RBFOX1: variants seen among roughly 807,000 people sequenced by gnomAD.
RBFOX1 encodes the protein RNA binding fox-1 homolog 1, also known as RNA binding protein fox-1 homolog 1.
RBFOX1 carries 8 observed loss-of-function variants against 57.7 expected under a neutral mutation model. That is an observed-to-expected ratio of 0.14 (90% confidence interval 0.08 to 0.25). The LOEUF is 0.25. Among genes scored for constraint, RBFOX1 ranks in the 10% least tolerant of loss-of-function variants. The pLI, the probability that RBFOX1 is intolerant of heterozygous loss-of-function variation, is 1.00. For synonymous variants in RBFOX1, 326 were observed against 222.4 expected (o/e 1.47, Z -4.15); for missense variants, 611 against 548.5 (o/e 1.11, Z -1.14).
At chr16:5,552,648 A>G (rs531902603) in intron 2 of RBFOX1, among the ~76,000 whole-genome samples, 11 of 152,266 alleles carry the variant, frequency 7.2e-5, no homozygotes, top group Admixed American at 2.6e-4. Context: ...CCAGTAAAAT[A>G]GAATTGGAAA....
chr16:5,827,712 T>C (rs1036673700), intron 3 of RBFOX1, among the ~76,000 whole-genome samples: 3 of 152,202 alleles, frequency 2.0e-5, no homozygotes, highest in Non-Finnish European at 4.4e-5. Flanking sequence ...AAATCCTTCC[T>C]AATTCTAAGT....
At chr16:5,488,367 GTGA>G (rs1310720051) in intron 2 of RBFOX1, among the ~76,000 whole-genome samples, 3 of 150,474 alleles carry the variant, frequency 2.0e-5, no homozygotes, top group African/African-American at 4.9e-5. Context: ...GCAGATGATG[GTGA>G]TGATGATGGT....
intron 3 of RBFOX1, among the ~76,000 whole-genome samples, chr16:5,646,954 G>A (rs2049073781): frequency 6.6e-6 from 1 of 152,168 alleles, no homozygotes; most frequent in South Asian, 2.1e-4. Context: ...CTTGATGGTG[G>A]GAGGGAAATA....
chr16:7,220,581 T>C (rs6500936), intron 4 of RBFOX1, among the ~76,000 whole-genome samples: 79,291 of 152,048 alleles, frequency 0.52, 22,030 homozygotes, highest in East Asian at 0.76. Context: ...GAAACGACAC[T>C]ATTTTCTGTT....
At chr16:5,696,739 C>G (rs924065053) in intron 3 of RBFOX1, among the ~76,000 whole-genome samples, 1 of 152,098 alleles carries the variant, frequency 6.6e-6, no homozygotes, top group Non-Finnish European at 1.5e-5. Context: ...ATTGCCTTCC[C>G]ATCTATGAAT....
intron 3 of RBFOX1, among the ~76,000 whole-genome samples, chr16:5,671,217 A>C (rs948027050): frequency 6.6e-6 from 1 of 152,252 alleles, no homozygotes; most frequent in African/African-American, 2.4e-5. Flanking sequence ...TTCAATCTGC[A>C]ACTTAAAAGC....
chr16:6,222,307 C>T (rs534392753), intron 1 of RBFOX1, among the ~76,000 whole-genome samples: 7 of 152,132 alleles, frequency 4.6e-5, no homozygotes, highest in East Asian at 3.9e-4. Flanking sequence ...TGCTGTCTTC[C>T]GCTCTAGAGG....
intron 3 of RBFOX1, among the ~76,000 whole-genome samples, chr16:6,752,728 A>C (rs898533956): frequency 6.6e-6 from 1 of 152,128 alleles, no homozygotes; most frequent in East Asian, 1.9e-4. Context: ...CTTGATTTCA[A>C]AACTTTCCTA....
chr16:7,212,764 C>A (rs1488757518), intron 4 of RBFOX1, among the ~76,000 whole-genome samples: 2 of 152,146 alleles, frequency 1.3e-5, no homozygotes, highest in Non-Finnish European at 2.9e-5. Context: ...GTGCAGCAAA[C>A]CACCATGGCA....
At chr16:6,340,388 G>A (rs2084382081) in intron 2 of RBFOX1, among the ~76,000 whole-genome samples, 1 of 152,114 alleles carries the variant, frequency 6.6e-6, no homozygotes, top group Non-Finnish European at 1.5e-5. Context: ...GTAATTTAGG[G>A]CAAATCCACA....
chr16:5,799,806 T>C (rs2055001473), intron 3 of RBFOX1, among the ~76,000 whole-genome samples: 1 of 152,174 alleles, frequency 6.6e-6, no homozygotes, highest in South Asian at 2.1e-4. Flanking sequence ...TAGCTCTTTG[T>C]ACAAAGTTGG....
chr16:6,739,073 G>T (rs1460418771), intron 3 of RBFOX1, among the ~76,000 whole-genome samples: 1 of 151,922 alleles, frequency 6.6e-6, no homozygotes, highest in Non-Finnish European at 1.5e-5. Flanking sequence ...TCCTACTTCA[G>T]ACAAAAATAG....
At chr16:6,188,976 T>C (rs749589838) in intron 1 of RBFOX1, among the ~76,000 whole-genome samples, 33 of 152,210 alleles carry the variant, frequency 2.2e-4, no homozygotes, top group Non-Finnish European at 4.4e-4. Flanking sequence ...CAGTGCAAGA[T>C]GAAGCTAGTC....
At chr16:7,095,562 T>C (rs1398743743) in intron 4 of RBFOX1, among the ~76,000 whole-genome samples, 1 of 152,220 alleles carries the variant, frequency 6.6e-6, no homozygotes, top group Non-Finnish European at 1.5e-5. Flanking sequence ...TGAGTTACAT[T>C]GTGAGCCCTT....
chr16:7,535,547 A>C (rs570600019), intron 5 of RBFOX1, among the ~76,000 whole-genome samples: 1 of 152,328 alleles, frequency 6.6e-6, no homozygotes, highest in Non-Finnish European at 1.5e-5. Context: ...TAAATTGTGA[A>C]GTCTTTTCCA....
chr16:7,003,371 A>G (rs926261992), intron 3 of RBFOX1, among the ~76,000 whole-genome samples: 1 of 152,006 alleles, frequency 6.6e-6, no homozygotes, highest in Non-Finnish European at 1.5e-5. Flanking sequence ...GAGGCAAGAG[A>G]ATCACTTAGA....
At chr16:5,744,770 T>C (rs2052908740) in intron 3 of RBFOX1, among the ~76,000 whole-genome samples, 1 of 152,194 alleles carries the variant, frequency 6.6e-6, no homozygotes, top group Non-Finnish European at 1.5e-5. Context: ...TTTCTTTTTC[T>C]TTTTTGAGAC....
chr16:5,897,267 C>G (rs2058191116), intron 4 of RBFOX1, among the ~76,000 whole-genome samples: 1 of 150,898 alleles, frequency 6.6e-6, no homozygotes, highest in Admixed American at 6.6e-5. Flanking sequence ...GATCTCCTGA[C>G]CTCATGATCC....
chr16:6,741,496 T>C (rs1368820535), intron 3 of RBFOX1, among the ~76,000 whole-genome samples: 1 of 151,960 alleles, frequency 6.6e-6, no homozygotes, highest in East Asian at 1.9e-4. Flanking sequence ...AAACCCTGTC[T>C]GTATTAAAAG....
Sources: gnomAD v4.1 joint callset for allele counts (sites outside exome capture counted in the v4.1 genomes callset) on GRCh38, gnomAD v4.1.1 for gene constraint, MANE v1.5 for transcripts, NCBI Gene and HGNC (gene_info 2026-07-23, HGNC 2026-07-21) for gene names.